TECRL: variants seen among roughly 807,000 people sequenced by gnomAD.
The protein encoded by TECRL is trans-2,3-enoyl-CoA reductase-like.
A neutral mutation model predicts 52.8 loss-of-function variants in TECRL; 63 were observed. The observed-to-expected ratio is 1.19, with a 90% CI of 0.97 to 1.47. The LOEUF is 1.47. Ranked by LOEUF, TECRL falls within the 40% of genes most tolerant of loss-of-function variation. TECRL has a pLI of 0.00. For synonymous variants in TECRL, 164 were observed against 141.9 expected, an observed-to-expected ratio of 1.16 and a Z score of -1.10; for missense variants, 482 against 429.6, an observed-to-expected ratio of 1.12 and a Z score of -1.08.
intron 2 of TECRL, among the ~76,000 whole-genome samples, chr4:64,343,936 A>T: frequency 6.6e-6 from 1 of 152,076 alleles, no homozygotes; most frequent in East Asian, 1.9e-4. Context: ...GCTTTTTAAA[A>T]AAATACCAGA....
At chr4:64,309,965 C>A (rs1694982340) in intron 5 of TECRL, 34 bp from the exon 6 acceptor site, 3 of 1,416,684 alleles carry the variant, frequency 2.1e-6, no homozygotes, top group African/African-American at 1.4e-5. Context: ...ACATGAAAAT[C>A]CTTTTGAAGT....
intron 1 of TECRL, among the ~76,000 whole-genome samples, chr4:64,390,827 T>C (rs1278694579): frequency 6.6e-6 from 1 of 151,854 alleles, no homozygotes; most frequent in Non-Finnish European, 1.5e-5. Context: ...GTCATATACT[T>C]ATTTTTCCTA....
chr4:64,368,519 C>T (rs924595370), intron 2 of TECRL, among the ~76,000 whole-genome samples: 3 of 152,120 alleles, frequency 2.0e-5, no homozygotes, highest in African/African-American at 7.2e-5. Flanking sequence ...TGGTCTCAAA[C>T]TCCTGACCTC....
intron 1 of TECRL, among the ~76,000 whole-genome samples, chr4:64,395,697 T>C (rs930398896): frequency 6.6e-5 from 10 of 152,296 alleles, no homozygotes; most frequent in African/African-American, 2.2e-4. Context: ...GTTGAGAGGG[T>C]ACATGTGCAG....
chr4:64,357,788 T>C (rs1299658044), intron 2 of TECRL, among the ~76,000 whole-genome samples: 2 of 151,520 alleles, frequency 1.3e-5, no homozygotes, highest in East Asian at 1.9e-4. Context: ...ATATAAAATA[T>C]GTAATAGATA....
At chr4:64,389,040 A>G (rs1364307747) in intron 1 of TECRL, among the ~76,000 whole-genome samples, 1 of 151,790 alleles carries the variant, frequency 6.6e-6, no homozygotes, top group Non-Finnish European at 1.5e-5. Flanking sequence ...CAATTATTTC[A>G]GATATTCTAC....
chr4:64,289,051 G>A (rs1421026104), intron 9 of TECRL, among the ~76,000 whole-genome samples: 3 of 152,168 alleles, frequency 2.0e-5, no homozygotes, highest in Non-Finnish European at 1.5e-5. Context: ...TCAAGAGTTT[G>A]TTGAATTCTG....
intron 2 of TECRL, among the ~76,000 whole-genome samples, chr4:64,368,382 GC>G (rs1388122108): frequency 2.0e-5 from 3 of 152,192 alleles, no homozygotes; most frequent in Admixed American, 2.0e-4. Context: ...TGCAACCTCT[GC>G]CTACCAGATT....
intron 1 of TECRL, among the ~76,000 whole-genome samples, chr4:64,385,815 G>T (rs886289873): frequency 3.3e-5 from 5 of 152,186 alleles, no homozygotes; most frequent in Admixed American, 6.5e-5. Flanking sequence ...GCCCATGAGG[G>T]CTGAGGGGCT....
intron 2 of TECRL, among the ~76,000 whole-genome samples, chr4:64,357,902 T>C (rs1402675987): frequency 1.3e-5 from 2 of 151,576 alleles, no homozygotes; most frequent in African/African-American, 4.8e-5. Flanking sequence ...GGAAGAAAAA[T>C]GAAAGCATCC....
At chr4:64,356,108 G>A (rs1484707705) in intron 2 of TECRL, among the ~76,000 whole-genome samples, 3 of 152,116 alleles carry the variant, frequency 2.0e-5, no homozygotes, top group East Asian at 3.9e-4. Flanking sequence ...TTTACAAGCA[G>A]TATGCTTGGT....
chr4:64,281,944 C>T (rs920706358), intron 9 of TECRL, among the ~76,000 whole-genome samples: 1 of 151,766 alleles, frequency 6.6e-6, no homozygotes, highest in Non-Finnish European at 1.5e-5. Context: ...TTCCCCTTTA[C>T]TATCAAAGAA....
At chr4:64,407,375 C>A (rs943849560) in intron 1 of TECRL, among the ~76,000 whole-genome samples, 3 of 151,726 alleles carry the variant, frequency 2.0e-5, no homozygotes, top group African/African-American at 7.3e-5. Context: ...TAATTTTTTT[C>A]ACAATTTAAT....
rs1191746654 is a variant in TECRL, at chr4:64,284,703, T to C, written c.833-3144A>G. 2.0e-5 allele frequency among the ~76,000 whole-genome samples: 3 copies of C among 152,192 alleles called. No homozygotes were observed. The East Asian group carries it at 5.8e-4, about 29-fold the overall frequency. On this transcript the variant is annotated intron_variant, in intron 9 of 11. Coordinates refer to ENST00000381210, the MANE Select transcript of TECRL (RefSeq NM_001010874.5). Reference sequence around the variant, plus strand: ...GAGGCTTGACCCACAGAAAGTTATGTTTGGCTAGTAGAACACAATGTCTCT... The same window carrying C: ...GAGGCTTGACCCACAGAAAGTTATGCTTGGCTAGTAGAACACAATGTCTCT...
At chr4:64,389,542 A>G (rs1723409613) in intron 1 of TECRL, among the ~76,000 whole-genome samples, 1 of 151,912 alleles carries the variant, frequency 6.6e-6, no homozygotes, top group South Asian at 2.1e-4. Context: ...GAATTGTTAC[A>G]TCTATATTTT....
chr4:64,335,220 A>G (rs995694624), intron 2 of TECRL, among the ~76,000 whole-genome samples: 32 of 152,216 alleles, frequency 2.1e-4, no homozygotes, highest in African/African-American at 7.0e-4. Flanking sequence ...GCCATTCCCC[A>G]TTACTCACAT....
intron 10 of TECRL, 130 bp downstream of exon 10, chr4:64,281,344 C>A: frequency 1.6e-6 from 1 of 633,284 alleles, no homozygotes; most frequent in Non-Finnish European, 2.7e-6. Context: ...TTTTGTTATA[C>A]CATGATCTGT....
chr4:64,388,468 C>A lies in TECRL; in HGVS notation c.235-13245G>T, dbSNP rs144255901. Among the ~76,000 whole-genome samples, 543 of 151,848 alleles carry A rather than the reference C, an allele frequency of 3.6e-3. 2 individuals carry two copies. Among genetic ancestry groups the A allele is most frequent in the Admixed American group, 8.1e-3 (123 of 15,202 alleles). On this transcript the variant is annotated intron_variant, in intron 1 of 11. Transcript: ENST00000381210. ...AAGTAAGGTGACGTCAGTTCTTCAA[C>A]CTGGTTCTTATTTGTCAATATTGTT...
In TECRL at chr4:64,277,959, A is replaced by T. The variant is rs568197231; in HGVS notation, c.*2113T>A. 22 of 151,764 alleles carry T rather than the reference A, an allele frequency of 1.4e-4. No individual in the cohort carries two copies. The highest frequency in any genetic ancestry group is 5.3e-4 in the African/African-American group (22 of 41,496). 9.4% of individuals were successfully genotyped at this position (151,764 alleles called of 1,614,324 possible). ...TATTTAAAGATGTAAAAATAGAACA[A>T]ATTTTTTCCACTCTGAATGTGCCCA... On this transcript the variant is annotated 3_prime_UTR_variant, in exon 12 of 12. Coordinates refer to ENST00000381210, the MANE Select transcript of TECRL (RefSeq NM_001010874.5).
Sources: allele counts gnomAD v4.1 joint callset (sites outside exome capture counted in the v4.1 genomes callset), GRCh38; gene constraint gnomAD v4.1.1; transcripts MANE v1.5; gene names NCBI Gene and HGNC (gene_info 2026-07-23, HGNC 2026-07-21).